Variants in KCNH8 observed in about 807,000 individuals in gnomAD.
The protein encoded by KCNH8 is voltage-gated delayed rectifier potassium channel KCNH8.
In KCNH8, 70 loss-of-function variants were observed where a neutral mutation model predicts 103.6. That is an observed-to-expected ratio of 0.68 (90% CI 0.56 to 0.82). The LOEUF (loss-of-function observed/expected upper bound fraction) is 0.82, where lower values mean the gene tolerates loss of function less well. Ranked by LOEUF, KCNH8 falls within the 40% of genes least tolerant of loss-of-function variation. KCNH8 has a pLI of 0.00. For synonymous variants in KCNH8, 498 were observed against 489.4 expected (o/e 1.02, Z -0.23); for missense variants, 1,217 against 1,329.9 (o/e 0.92, Z 1.32).
At chr3:19,497,208 T>C (rs1352827326) in intron 11 of KCNH8, among the ~76,000 whole-genome samples, 1 of 152,176 alleles carries the variant, frequency 6.6e-6, no homozygotes, top group Non-Finnish European at 1.5e-5. Context: ...CTTGGATTAA[T>C]TGATCTTTTG....
chr3:19,532,016 G>A (rs955550776), intron 15 of KCNH8, among the ~76,000 whole-genome samples: 8 of 152,202 alleles, frequency 5.3e-5, no homozygotes, highest in Admixed American at 3.3e-4. Context: ...GAAAATACAT[G>A]TGTGTGTCCT....
chr3:19,225,764 C>T (rs1026242816), intron 1 of KCNH8, among the ~76,000 whole-genome samples: 2 of 152,058 alleles, frequency 1.3e-5, no homozygotes, highest in East Asian at 1.9e-4. Flanking sequence ...CTTGGTTTCC[C>T]GCATTCATAG....
At chr3:19,463,172 G>C (rs1182881897) in intron 11 of KCNH8, among the ~76,000 whole-genome samples, 3 of 152,128 alleles carry the variant, frequency 2.0e-5, no homozygotes, top group Non-Finnish European at 4.4e-5. Flanking sequence ...TCAGGGCTTA[G>C]AGCATCTGAG....
intron 5 of KCNH8, among the ~76,000 whole-genome samples, chr3:19,349,762 T>C (rs901888657): frequency 6.6e-6 from 1 of 152,098 alleles, no homozygotes; most frequent in Non-Finnish European, 1.5e-5. Context: ...GCTGCTTTTC[T>C]CTACTAAACC....
chr3:19,474,896 C>T (rs887912454), intron 11 of KCNH8, among the ~76,000 whole-genome samples: 2 of 152,120 alleles, frequency 1.3e-5, no homozygotes, highest in Non-Finnish European at 2.9e-5. Context: ...AGTCTTCCAT[C>T]TTGATAGTAC....
At chr3:19,399,206 C>T (rs545112804) in intron 7 of KCNH8, among the ~76,000 whole-genome samples, 1 of 151,950 alleles carries the variant, frequency 6.6e-6, no homozygotes, top group Non-Finnish European at 1.5e-5. Context: ...TCAGAGAGTG[C>T]TTTTTACAGT....
intron 3 of KCNH8, among the ~76,000 whole-genome samples, chr3:19,290,302 G>A (rs570873928): frequency 6.6e-6 from 1 of 152,132 alleles, no homozygotes; most frequent in Non-Finnish European, 1.5e-5. Flanking sequence ...AGTGGTGAGA[G>A]AGGGCATCCC....
intron 1 of KCNH8, among the ~76,000 whole-genome samples, chr3:19,229,704 A>T (rs1029661872): frequency 9.2e-5 from 14 of 152,158 alleles, no homozygotes; most frequent in Non-Finnish European, 1.9e-4. Context: ...AGACCACCTT[A>T]TCTTGGACCT....
intron 1 of KCNH8, among the ~76,000 whole-genome samples, chr3:19,168,952 C>G (rs1177962161): frequency 6.6e-6 from 1 of 152,206 alleles, no homozygotes; most frequent in Non-Finnish European, 1.5e-5. Flanking sequence ...TCCTGACTTT[C>G]CTCCTCACCA....
At chr3:19,277,964 G>A (rs543563282) in intron 2 of KCNH8, among the ~76,000 whole-genome samples, 110 of 152,076 alleles carry the variant, frequency 7.2e-4, no homozygotes, top group African/African-American at 2.3e-3. Context: ...CTGAATTTGA[G>A]GCTGTGGGAC....
chr3:19,293,949 A>C (rs140431032), intron 3 of KCNH8, among the ~76,000 whole-genome samples: 1 of 152,196 alleles, frequency 6.6e-6, no homozygotes, highest in African/African-American at 2.4e-5. Context: ...TGCTGTTTCA[A>C]AGTAACCAGA....
intron 9 of KCNH8, chr3:19,450,885 A>G (rs2067437789): frequency 4.9e-6 from 2 of 406,808 alleles, no homozygotes; most frequent in Non-Finnish European, 8.9e-6. Flanking sequence ...TGTGAGAAGG[A>G]AGTCACAATG....
intron 11 of KCNH8, among the ~76,000 whole-genome samples, chr3:19,505,502 G>A (rs886114469): frequency 2.6e-5 from 4 of 152,052 alleles, no homozygotes; most frequent in African/African-American, 9.7e-5. Flanking sequence ...AATTTCTCCT[G>A]GCTTGTCGAG....
intron 1 of KCNH8, among the ~76,000 whole-genome samples, chr3:19,241,531 G>A (rs1398686115): frequency 1.3e-5 from 2 of 151,940 alleles, no homozygotes; most frequent in African/African-American, 4.8e-5. Context: ...GGTCTAAAAG[G>A]TGCTCAACCC....
chr3:19,155,630 C>T (rs2063173820), intron 1 of KCNH8, among the ~76,000 whole-genome samples: 1 of 152,198 alleles, frequency 6.6e-6, no homozygotes, highest in Admixed American at 6.5e-5. Flanking sequence ...TCCCAGGCTA[C>T]ACACATACTC....
chr3:19,357,231 A>G (rs767845802), intron 5 of KCNH8, among the ~76,000 whole-genome samples: 11 of 151,900 alleles, frequency 7.2e-5, no homozygotes, highest in African/African-American at 1.9e-4. Flanking sequence ...AAACACATGT[A>G]AGGGAAAAAT....
intron 7 of KCNH8, among the ~76,000 whole-genome samples, chr3:19,429,332 T>C (rs933818877): frequency 2.0e-5 from 3 of 151,960 alleles, no homozygotes; most frequent in African/African-American, 7.2e-5. Context: ...CGCCACTACA[T>C]CCGGCTAATT....
At chr3:19,494,018 C>A (rs1448199981) in intron 11 of KCNH8, among the ~76,000 whole-genome samples, 1 of 152,158 alleles carries the variant, frequency 6.6e-6, no homozygotes, top group African/African-American at 2.4e-5. Flanking sequence ...TCTTCACCCT[C>A]AAGTAGGCCC....
intron 3 of KCNH8, among the ~76,000 whole-genome samples, chr3:19,298,006 T>A (rs2065017228): frequency 1.3e-5 from 2 of 152,198 alleles, no homozygotes; most frequent in Non-Finnish European, 2.9e-5. Flanking sequence ...TGTCTCTCCA[T>A]GGTGACTATC....
Sources: gnomAD v4.1 joint callset for allele counts (sites outside exome capture counted in the v4.1 genomes callset) on GRCh38, gnomAD v4.1.1 for gene constraint, MANE v1.5 for transcripts, NCBI Gene and HGNC (gene_info 2026-07-23, HGNC 2026-07-21) for gene names.